ARHGAP25: variants seen among roughly 807,000 people sequenced by gnomAD.
ARHGAP25 encodes rho GTPase-activating protein 25.
ARHGAP25 carries 34 observed loss-of-function variants against 71.0 expected under a neutral mutation model. That is an observed-to-expected ratio of 0.48 (90% CI 0.36 to 0.64). The LOEUF is 0.64. Ranked by LOEUF, ARHGAP25 falls within the 30% of genes least tolerant of loss-of-function variation. The pLI is 0.00. For missense variants in ARHGAP25, 706 were observed against 805.1 expected, an observed-to-expected ratio of 0.88 and a Z score of 1.49; for synonymous variants, 282 against 296.5, an observed-to-expected ratio of 0.95 and a Z score of 0.50.
At chr2:68,744,306 C>G (rs73933340) in intron 1 of ARHGAP25, among the ~76,000 whole-genome samples, 6,094 of 152,186 alleles carry the variant, frequency 0.04, 443 homozygotes, top group African/African-American at 0.14. Context: ...GGGCCACCAC[C>G]CAGCTTGTCC....
intron 1 of ARHGAP25, among the ~76,000 whole-genome samples, chr2:68,748,116 C>T (rs1198086489): frequency 6.6e-6 from 1 of 152,162 alleles, no homozygotes; most frequent in Non-Finnish European, 1.5e-5. Flanking sequence ...CCCTCTGTCT[C>T]CACCCACCTG....
At chr2:68,774,986 A>G (rs770371527) in intron 1 of ARHGAP25, 43 of 1,438,874 alleles carry the variant, frequency 3.0e-5, no homozygotes, top group Non-Finnish European at 3.9e-5. Context: ...GCACGGGGCC[A>G]CCGACTGCAG....
intron 1 of ARHGAP25, among the ~76,000 whole-genome samples, chr2:68,739,417 C>T (rs1225659914): frequency 6.6e-6 from 1 of 152,156 alleles, no homozygotes; most frequent in East Asian, 1.9e-4. Flanking sequence ...CATGTAGCAT[C>T]CAATGGGAGA....
rs150740740 is a variant in ARHGAP25 at position 68,819,124 on chromosome 2, G to A, written c.1005G>A (p.Gly335=). 6.5e-6 allele frequency: 10 copies of A among 1,541,414 alleles called. No homozygotes were observed. Among genetic ancestry groups the A allele is most frequent in the Non-Finnish European group, 7.9e-6 (9 of 1,144,456 alleles). ...KVEDPAVIMR[G]TPQIQRVMTM... ...AGATCTTTTTCTTCTGTCTTTCAGG[G>A]ACTCCTCAGATCCAAAGAGTGATGA... Residue 335 remains glycine, a splice_region_variant and synonymous_variant, in exon 9 of 11, where the codon GGG becomes GGA. Coordinates refer to ENST00000409202, the MANE Select transcript of ARHGAP25 (RefSeq NM_001007231.3).
At chr2:68,747,454 T>A (rs1159798814) in intron 1 of ARHGAP25, among the ~76,000 whole-genome samples, 1 of 152,214 alleles carries the variant, frequency 6.6e-6, no homozygotes, top group Admixed American at 6.5e-5. Context: ...GAGTGCTGTA[T>A]GAGTGTACAG....
chr2:68,760,874 AAAAAAAAT>A (rs1202219643), intron 1 of ARHGAP25, among the ~76,000 whole-genome samples: 1 of 122,474 alleles, frequency 8.2e-6, no homozygotes, highest in Admixed American at 8.7e-5. Flanking sequence ...AAAAAAAAAA[AAAAAAAAT>A]TTTTGAAAAA....
rs1227126206 is a variant in ARHGAP25, at chr2:68,816,152, A to G, written c.808-137A>G. Reference sequence around the variant, plus strand: ...TTTCCCTTTTTTTTTTTAAACCCACAGAACTACAGGAACAGGAATGACTGC... The same window carrying G: ...TTTCCCTTTTTTTTTTTAAACCCACGGAACTACAGGAACAGGAATGACTGC... On this transcript the variant is annotated intron_variant, in intron 6 of 10. Transcript: ENST00000409202. 5.2e-6 allele frequency: 4 copies of G among 765,664 alleles called. No homozygotes were observed. In the Admixed American group the frequency reaches 7.7e-5, roughly 15 times the overall value. The allele number at this position is 765,664 out of a possible 1,614,324, so 47.4% of individuals were successfully genotyped here.
intron 10 of ARHGAP25, among the ~76,000 whole-genome samples, 192 bp from the exon 11 acceptor site, chr2:68,825,795 G>A (rs1200108084): frequency 1.3e-5 from 2 of 151,950 alleles, no homozygotes; most frequent in African/African-American, 4.8e-5. Flanking sequence ...AATGACAAAT[G>A]AGGGGCTCAG....
At chr2:68,797,210 C>T (rs766951746) in intron 4 of ARHGAP25, among the ~76,000 whole-genome samples, 1 of 152,128 alleles carries the variant, frequency 6.6e-6, no homozygotes, top group Non-Finnish European at 1.5e-5. Flanking sequence ...ATGCACCAGC[C>T]TTGATTAGGG....
rs1680445400 is a variant in ARHGAP25 at position 68,807,293 on chromosome 2, G to C, written c.487G>C (p.Asp163His). The C allele has an allele frequency of 1.2e-6, 2 of 1,614,120 alleles. No individual in the cohort carries two copies. Among genetic ancestry groups the C allele is most frequent in the African/African-American group, 1.3e-5 (1 of 74,944 alleles). The change falls in exon 5 of 11, where the codon GAT becomes CAT. Residue 163 changes from aspartate (D) to histidine (H), a missense_variant. Coordinates refer to ENST00000409202, the MANE Select transcript of ARHGAP25 (RefSeq NM_001007231.3). ...CTCAGCAGTGTTTGGCCAGCGCTTG[G>C]ATGAGACTGTGGCCTATGAACAGAA... Reference protein sequence around the residue: ...PCGAVFGQRLDETVAYEQKFG... With the variant: ...PCGAVFGQRLHETVAYEQKFG...
chr2:68,733,533 G>A (rs1675081340), upstream of ARHGAP25, among the ~76,000 whole-genome samples: 2 of 152,174 alleles, frequency 1.3e-5, no homozygotes, highest in Admixed American at 1.3e-4. Context: ...ACGCTGACAG[G>A]AAGGATCAAA....
At chr2:68,813,443 C>T (rs1336387957) in intron 6 of ARHGAP25, 24 bp downstream of exon 6, 2 of 1,607,308 alleles carry the variant, frequency 1.2e-6, no homozygotes, top group South Asian at 2.2e-5. Context: ...AGTTAGTTGT[C>T]CTGCCTTAGA....
Position 68,826,554 on chromosome 2 carries a change from T to C in ARHGAP25, c.*360T>C, listed in dbSNP as rs1361608104. 1.1e-5 allele frequency: 4 copies of C among 368,304 alleles called. No homozygotes were observed. The highest frequency in any genetic ancestry group is 2.1e-5 in the Non-Finnish European group (4 of 190,198). The allele number at this position is 368,304 out of a possible 1,614,324, so 22.8% of individuals were successfully genotyped here. ...GGTGTGATTAATTCTTTGTTTTTTG[T>C]GTGGAACAGCTCACCTTGTCAGACA... On this transcript the variant is annotated 3_prime_UTR_variant, in exon 11 of 11. Coordinates refer to ENST00000409202, the MANE Select transcript of ARHGAP25 (RefSeq NM_001007231.3).
intron 2 of ARHGAP25, among the ~76,000 whole-genome samples, chr2:68,717,993 A>T (rs983077851): frequency 7.2e-5 from 11 of 152,282 alleles, no homozygotes; most frequent in African/African-American, 2.6e-4. Context: ...ATCATCTTGG[A>T]ATGCATTAGC....
intron 2 of ARHGAP25, among the ~76,000 whole-genome samples, chr2:68,719,930 AAT>A (rs1674714413): frequency 6.6e-6 from 1 of 152,172 alleles, no homozygotes; most frequent in Admixed American, 6.5e-5. Flanking sequence ...CCAAACTCAG[AAT>A]AAGGTACGCC....
chr2:68,776,060 A>G (rs1677883578), intron 2 of ARHGAP25, among the ~76,000 whole-genome samples: 1 of 152,234 alleles, frequency 6.6e-6, no homozygotes, highest in South Asian at 2.1e-4. Context: ...CCGAGACTAA[A>G]GAGGAGAGGG....
upstream of ARHGAP25, among the ~76,000 whole-genome samples, chr2:68,734,176 G>A (rs74861994): frequency 5.4e-3 from 827 of 152,318 alleles, 2 homozygotes; most frequent in South Asian, 9.1e-3. Flanking sequence ...AACCCTTTGA[G>A]TTGTGGTTAT....
At position 68,787,370 on chromosome 2, in the gene ARHGAP25, A is replaced by C. The variant is rs559979287; in HGVS notation, c.350-470A>C. Among the ~76,000 whole-genome samples the C allele has an allele frequency of 2.0e-5, 3 of 152,350 alleles. No individual in the cohort carries two copies. In the East Asian group the frequency reaches 5.8e-4, roughly 29 times the overall value. On this transcript the variant is annotated intron_variant, in intron 3 of 10. Coordinates refer to ENST00000409202, the MANE Select transcript of ARHGAP25 (RefSeq NM_001007231.3). The stretch of plus-strand genomic sequence containing the variant: ...CACCAAGCACCAATTTTGTGAAAAA[A>C]GCACACATCTATTCACTGTCACTCC...
At chr2:68,790,763 C>T (rs899359811) in intron 4 of ARHGAP25, among the ~76,000 whole-genome samples, 5 of 152,174 alleles carry the variant, frequency 3.3e-5, no homozygotes, top group South Asian at 2.1e-4. Flanking sequence ...AGTCTGTTTT[C>T]GACAGAGCGG....
Sources: gnomAD v4.1 joint callset for allele counts (sites outside exome capture counted in the v4.1 genomes callset) on GRCh38, gnomAD v4.1.1 for gene constraint, MANE v1.5 for transcripts, NCBI Gene and HGNC (gene_info 2026-07-23, HGNC 2026-07-21) for gene names.